The following SLC5A10 variants were observed in gnomAD, a reference collection of about 807,000 sequenced individuals.
SLC5A10 encodes the protein sodium/mannose cotransporter SLC5A10.
In SLC5A10, 55 loss-of-function variants were observed where a neutral mutation model predicts 68.9. That is an observed-to-expected ratio of 0.80 (90% CI 0.64 to 1.00). The LOEUF (loss-of-function observed/expected upper bound fraction) is 1.00, where lower values mean the gene tolerates loss of function less well. Ranked by LOEUF, SLC5A10 falls within the 50% of genes least tolerant of loss-of-function variation. The pLI, the probability that SLC5A10 is intolerant of heterozygous loss-of-function variation, is 0.00. For synonymous variants in SLC5A10, 344 were observed against 344.8 expected (o/e 1.00, Z 0.02); for missense variants, 732 against 819.3 (o/e 0.89, Z 1.30).
intron 5 of SLC5A10, among the ~76,000 whole-genome samples, chr17:18,962,051 A>C (rs1421028900): frequency 2.0e-5 from 3 of 151,678 alleles, no homozygotes; most frequent in Non-Finnish European, 4.4e-5. Context: ...AGAGCTTTCC[A>C]CTCATACTCT....
At chr17:18,990,774 C>G (rs1216149937) in intron 9 of SLC5A10, among the ~76,000 whole-genome samples, 1 of 141,152 alleles carries the variant, frequency 7.1e-6, no homozygotes, top group Non-Finnish European at 1.5e-5. Context: ...CGAGCTTATG[C>G]TGGGGATGGG....
chr17:18,971,302 G>T lies in SLC5A10; in HGVS notation c.846+84G>T. 6.2e-7 allele frequency: 1 copy of T among 1,608,340 alleles called. No homozygotes were observed. The highest frequency in any genetic ancestry group is 8.5e-7 in the Non-Finnish European group (1 of 1,176,288). ...GGCCCAGGCGGCCTGTCTGCCCTCC[G>T]CGTCATGAGTCTGGGCTGGGGCCTC... On this transcript the variant is annotated intron_variant, in intron 8 of 14. Transcript: ENST00000395645. This position sits in a 1 kb window ranked among gnomAD's most constrained non-coding sequence, Gnocchi z 5.5.
chr17:18,978,411 G>T, intron 9 of SLC5A10: 1 of 1,592,094 alleles, frequency 6.3e-7, no homozygotes, highest in East Asian at 2.3e-5. Context: ...CCAGGCTCCG[G>T]GTCTGGCTCC....
chr17:18,957,612 C>A (rs1004133664), intron 1 of SLC5A10, among the ~76,000 whole-genome samples: 1 of 152,052 alleles, frequency 6.6e-6, no homozygotes, highest in South Asian at 2.1e-4. Context: ...ACTACAGGCG[C>A]CTGCCACCAC....
intron 8 of SLC5A10, 134 bp from the exon 9 acceptor site, chr17:18,976,720 G>A: frequency 8.4e-7 from 1 of 1,188,968 alleles, no homozygotes; most frequent in Non-Finnish European, 1.2e-6. Context: ...TTTGAGTGTG[G>A]CTGTTTTGGG....
intron 2 of SLC5A10, 45 bp from the exon 3 acceptor site, chr17:18,959,090 G>A (rs752398263): frequency 6.4e-7 from 1 of 1,574,710 alleles, no homozygotes; most frequent in Non-Finnish European, 8.7e-7. Context: ...GATGGGGCCG[G>A]CGCAGGGAGC....
chr17:18,962,729 G>A (rs1346836647), intron 5 of SLC5A10, among the ~76,000 whole-genome samples: 1 of 152,136 alleles, frequency 6.6e-6, no homozygotes, highest in Non-Finnish European at 1.5e-5. Flanking sequence ...CTTCCAGAGG[G>A]TGGACTGGAG....
At chr17:18,961,900 G>T (rs1421297085) in intron 5 of SLC5A10, among the ~76,000 whole-genome samples, 6 of 152,216 alleles carry the variant, frequency 3.9e-5, no homozygotes, top group Non-Finnish European at 8.8e-5. Context: ...CGTGTGGGCA[G>T]GTCTCAGGAG....
Position 19,017,246 on chromosome 17 carries a change from G to T in SLC5A10, c.1241+2047G>T. On this transcript the variant is annotated intron_variant, in intron 11 of 14. Coordinates refer to ENST00000395645, the MANE Select transcript of SLC5A10 (RefSeq NM_001042450.4). This position sits in a 1 kb window ranked among gnomAD's most constrained non-coding sequence, Gnocchi z 5.6. ...GAGCAGAAAGGGCCCCGTGCCAGGT[G>T]TCAGGCTGGCCAGCTCAACTTCCCG... 1 of 1,535,044 alleles carries T rather than the reference G, an allele frequency of 6.5e-7. No individual in the cohort carries two copies. The highest frequency in any genetic ancestry group is 1.4e-5 in the African/African-American group (1 of 72,792).
At chr17:18,982,656 G>A (rs2043168678) in intron 9 of SLC5A10, among the ~76,000 whole-genome samples, 1 of 152,150 alleles carries the variant, frequency 6.6e-6, no homozygotes, top group African/African-American at 2.4e-5. Context: ...CTCCAGGGCT[G>A]GGGCAAACTA....
At chr17:18,955,576 A>G (rs528229265) in intron 1 of SLC5A10, among the ~76,000 whole-genome samples, 16 of 152,370 alleles carry the variant, frequency 1.1e-4, no homozygotes, top group African/African-American at 3.8e-4. Flanking sequence ...TTGAAAGATG[A>G]GAAGGGTTAG....
chr17:19,001,688 T>C (rs2043732405), intron 9 of SLC5A10, among the ~76,000 whole-genome samples: 1 of 152,212 alleles, frequency 6.6e-6, no homozygotes, highest in Admixed American at 6.5e-5. Flanking sequence ...AGGTGGCTCA[T>C]GGGACTGTAC....
intron 8 of SLC5A10, among the ~76,000 whole-genome samples, chr17:18,973,279 G>C (rs985616320): frequency 1.3e-5 from 2 of 152,246 alleles, no homozygotes; most frequent in Non-Finnish European, 2.9e-5. Context: ...TTCCCATCAA[G>C]GCCAAACGAA....
intron 5 of SLC5A10, among the ~76,000 whole-genome samples, chr17:18,966,326 G>A (rs2042708043): frequency 6.6e-6 from 1 of 152,156 alleles, no homozygotes; most frequent in Admixed American, 6.5e-5. Context: ...TCCTGGTTCA[G>A]CCTGTGCCCT....
chr17:18,997,679 T>C (rs767517683), intron 9 of SLC5A10, among the ~76,000 whole-genome samples: 1 of 152,170 alleles, frequency 6.6e-6, no homozygotes, highest in Non-Finnish European at 1.5e-5. Flanking sequence ...GGCCACCTGG[T>C]GCCCACATGC....
At chr17:18,994,769 T>C (rs1459960710) in intron 9 of SLC5A10, among the ~76,000 whole-genome samples, 1 of 152,196 alleles carries the variant, frequency 6.6e-6, no homozygotes, top group Non-Finnish European at 1.5e-5. Context: ...AACCAGAGTG[T>C]AGACATGTGA....
chr17:18,995,679 G>A (rs565702705), intron 9 of SLC5A10, among the ~76,000 whole-genome samples: 7 of 152,206 alleles, frequency 4.6e-5, no homozygotes, highest in Admixed American at 1.3e-4. Context: ...AGGCAGAGGC[G>A]GGTGGATCAC....
At chr17:19,009,737 T>G (rs1253346267) in intron 9 of SLC5A10, among the ~76,000 whole-genome samples, 1 of 152,124 alleles carries the variant, frequency 6.6e-6, no homozygotes, top group African/African-American at 2.4e-5. Context: ...TTGCTTGTGC[T>G]AAGCACTGTT....
At chr17:19,015,227 T>TGGGGGCCAGGACGGGGGG (rs751333333) in intron 11 of SLC5A10, 28 bp downstream of exon 11, 2 of 122,304 alleles carry the variant, frequency 1.6e-5, no homozygotes, top group African/African-American at 4.3e-5. Context: ...AGTACGGGGG[T>TGGGGGCCAGGACGGGGGG]GGGGGAACAC....
Sources: gnomAD v4.1 joint callset for allele counts (sites outside exome capture counted in the v4.1 genomes callset) on GRCh38, gnomAD v4.1.1 for gene constraint, Gnocchi (gnomAD v3.1) non-coding constraint, MANE v1.5 for transcripts, NCBI Gene and HGNC (gene_info 2026-07-23, HGNC 2026-07-21) for gene names.